The following DOCK3 variants were observed in gnomAD, a reference collection of about 807,000 sequenced individuals.
DOCK3 encodes dedicator of cytokinesis protein 3.
A neutral mutation model predicts 265.6 loss-of-function variants in DOCK3; 60 were observed. The ratio of observed to expected loss-of-function variants is 0.23; its 90% CI spans 0.18 to 0.28. The LOEUF is 0.28. DOCK3 is among the 10% of genes least tolerant of loss of function. The probability of loss-of-function intolerance (pLI) is 1.00; values close to 1 mark genes in which losing one functional copy is unlikely to be tolerated. For synonymous variants in DOCK3, 881 were observed against 938.0 expected (o/e 0.94, Z 1.11); for missense variants, 1,981 against 2,594.3 (o/e 0.76, Z 5.14).
intron 3 of DOCK3, among the ~76,000 whole-genome samples, chr3:50,868,923 TTTTG>T (rs1239132311): frequency 6.8e-6 from 1 of 146,682 alleles, no homozygotes; most frequent in Non-Finnish European, 1.5e-5. Context: ...TTTTTTTTTT[TTTTG>T]GTCTGACTAA....
At chr3:50,853,273 A>G (rs892514949) in intron 3 of DOCK3, among the ~76,000 whole-genome samples, 3 of 151,422 alleles carry the variant, frequency 2.0e-5, no homozygotes, top group African/African-American at 7.3e-5. Context: ...GAGTAAGAAC[A>G]TACAGTATTT....
Position 51,189,934 on chromosome 3 carries a change from C to T in DOCK3, c.1038-18840C>T, listed in dbSNP as rs191057466. Reference sequence around the variant, plus strand: ...AGGCTTTCAATAGGTCCACTCACACCGAGCTCACATGGGAGAAGCCTCAAA... The same window carrying T: ...AGGCTTTCAATAGGTCCACTCACACTGAGCTCACATGGGAGAAGCCTCAAA... On this transcript the variant is annotated intron_variant, in intron 12 of 52. Transcript: ENST00000266037. 8.5e-5 allele frequency among the ~76,000 whole-genome samples: 13 copies of T among 152,224 alleles called. No individual in the cohort carries two copies. In the East Asian group the frequency reaches 1.7e-3, roughly 20 times the overall value.
chr3:50,919,733 A>G lies in DOCK3; in HGVS notation c.219-14248A>G, dbSNP rs563656250. ...TGACTTCCTCTTTTCCTAATTAAAT[A>G]CCCTTTATTTCTTTCTCCTGCCTGA... is the stretch of plus-strand genomic sequence containing the variant. On this transcript the variant is annotated intron_variant, in intron 4 of 52. Coordinates refer to ENST00000266037, the MANE Select transcript of DOCK3 (RefSeq NM_004947.5). Among the ~76,000 whole-genome samples the G allele has an allele frequency of 1.5e-4, 23 of 152,128 alleles. 1 individual carries two copies. The South Asian group carries it at 4.1e-3, about 27-fold the overall frequency.
chr3:51,270,976 G>T lies in DOCK3; in HGVS notation c.2517G>T (p.Arg839Ser), dbSNP rs982971429. 2 of 1,613,676 alleles carry T rather than the reference G, an allele frequency of 1.2e-6. No individual in the cohort carries two copies. Among genetic ancestry groups the T allele is most frequent in the Middle Eastern group, 1.7e-4 (1 of 5,958 alleles). Residue 839 changes from arginine (R) to serine (S), a missense_variant, in exon 24 of 53, where the codon AGG (arginine) becomes AGT (serine). Arg to Ser is a moderately radical substitution (Grantham distance 110). Coordinates refer to ENST00000266037, the MANE Select transcript of DOCK3 (RefSeq NM_004947.5). Reference protein sequence around the residue: ...MDVVKLQSIARTVDSRLFSFS... With the variant: ...MDVVKLQSIASTVDSRLFSFS... Reference sequence around the variant, plus strand: ...TGGTCAAGCTGCAGTCCATTGCCAGGACAGTGGATAGCCGCCTGTTTTCTT... The same window carrying T: ...TGGTCAAGCTGCAGTCCATTGCCAGTACAGTGGATAGCCGCCTGTTTTCTT...
At chr3:51,316,640 T>G (rs915392556) in intron 32 of DOCK3, among the ~76,000 whole-genome samples, 2 of 152,238 alleles carry the variant, frequency 1.3e-5, no homozygotes, top group Admixed American at 6.5e-5. Flanking sequence ...TCTGTTCGTT[T>G]GTTTTAGCCA....
chr3:50,767,747 A>G (rs2040991884), intron 1 of DOCK3, among the ~76,000 whole-genome samples: 1 of 152,182 alleles, frequency 6.6e-6, no homozygotes, highest in Non-Finnish European at 1.5e-5. Flanking sequence ...CTTCCTATCC[A>G]TGAGCATGGA....
At chr3:50,746,426 G>C (rs1162203275) in intron 1 of DOCK3, among the ~76,000 whole-genome samples, 1 of 152,078 alleles carries the variant, frequency 6.6e-6, no homozygotes, top group African/African-American at 2.4e-5. Context: ...TAATTTATCA[G>C]TTGGTTCTTT....
At chr3:50,683,171 T>C (rs953908979) in intron 1 of DOCK3, among the ~76,000 whole-genome samples, 1 of 152,266 alleles carries the variant, frequency 6.6e-6, no homozygotes, top group South Asian at 2.1e-4. Context: ...TTTTATTTTA[T>C]ATGAACTGAA....
At chr3:50,751,680 A>G (rs1455343952) in intron 1 of DOCK3, among the ~76,000 whole-genome samples, 2 of 152,174 alleles carry the variant, frequency 1.3e-5, no homozygotes, top group Non-Finnish European at 2.9e-5. Context: ...TAAACCCCAT[A>G]TATATTAGTC....
chr3:50,894,706 T>C (rs538883926), intron 4 of DOCK3, among the ~76,000 whole-genome samples: 1 of 152,242 alleles, frequency 6.6e-6, no homozygotes, highest in South Asian at 2.1e-4. Flanking sequence ...TCATCAACAA[T>C]AAAACATTTG....
chr3:51,296,907 T>A (rs1280598714), intron 27 of DOCK3, among the ~76,000 whole-genome samples: 1 of 151,712 alleles, frequency 6.6e-6, no homozygotes, highest in Non-Finnish European at 1.5e-5. Flanking sequence ...TCACCTGAGG[T>A]CAGGAGTTCG....
chr3:51,196,789 T>G (rs2088325718), intron 12 of DOCK3, among the ~76,000 whole-genome samples: 2 of 152,250 alleles, frequency 1.3e-5, no homozygotes, highest in South Asian at 4.1e-4. Context: ...TGAATTGTTT[T>G]TCTGGATTCG....
rs181592887 is a variant in DOCK3 at position 50,773,259 on chromosome 3, A to C, written c.38-5416A>C. On this transcript the variant is annotated intron_variant, in intron 1 of 52. Coordinates refer to ENST00000266037, the MANE Select transcript of DOCK3 (RefSeq NM_004947.5). ...TGCAGAAGAATTAAACTAGACTCCTATCTCTTACCATTTACAAGAATCAAC... is the reference window on the plus strand; with the variant it reads ...TGCAGAAGAATTAAACTAGACTCCTCTCTCTTACCATTTACAAGAATCAAC... Among the ~76,000 whole-genome samples, 5 of 152,264 alleles carry C rather than the reference A, an allele frequency of 3.3e-5. No individual in the cohort carries two copies. In the East Asian group the frequency reaches 9.6e-4, roughly 29 times the overall value.
chr3:50,800,112 T>G (rs143134004), intron 2 of DOCK3, among the ~76,000 whole-genome samples: 95 of 152,366 alleles, frequency 6.2e-4, no homozygotes, highest in African/African-American at 2.2e-3. Context: ...TGTCGAGGAC[T>G]TTTGTGTCTG....
Position 51,354,873 on chromosome 3 carries a change from T to C in DOCK3, c.4108-9T>C, listed in dbSNP as rs756588830. 1.9e-6 allele frequency: 3 copies of C among 1,612,952 alleles called. No homozygotes were observed. Among genetic ancestry groups the C allele is most frequent in the Non-Finnish European group, 2.5e-6 (3 of 1,179,448 alleles). On this transcript the variant is annotated splice_polypyrimidine_tract_variant and intron_variant, in intron 40 of 52. Coordinates refer to ENST00000266037, the MANE Select transcript of DOCK3 (RefSeq NM_004947.5). ...GCATACATAGAGTGTGCTCTTCTGT[T>C]TGTGGCAGAACAAAGAATACGTGTG...
intron 1 of DOCK3, among the ~76,000 whole-genome samples, chr3:50,733,044 A>C (rs889646958): frequency 2.0e-5 from 3 of 152,212 alleles, no homozygotes; most frequent in African/African-American, 7.2e-5. Flanking sequence ...GGCCTCCCAA[A>C]GTGCTGAGAT....
chr3:50,918,706 AGATTGCCT>A (rs1371914725), intron 4 of DOCK3, among the ~76,000 whole-genome samples: 2 of 152,184 alleles, frequency 1.3e-5, no homozygotes, highest in African/African-American at 2.4e-5. Context: ...CCCATTCTGT[AGATTGCCT>A]GTTCACTCTG....
chr3:51,010,597 T>C (rs533041757), intron 5 of DOCK3, among the ~76,000 whole-genome samples: 2 of 152,342 alleles, frequency 1.3e-5, no homozygotes, highest in East Asian at 1.9e-4. Flanking sequence ...TGTCTTTTAA[T>C]TGGGGCATTT....
intron 40 of DOCK3, 69 bp from the exon 41 acceptor site, chr3:51,354,813 T>G (rs2086252641): frequency 6.4e-7 from 1 of 1,568,158 alleles, no homozygotes; most frequent in East Asian, 2.3e-5. Flanking sequence ...ATGTAGCTAC[T>G]GACTCCAGGG....
Sources: allele counts gnomAD v4.1 joint callset (sites outside exome capture counted in the v4.1 genomes callset), GRCh38; gene constraint gnomAD v4.1.1; transcripts MANE v1.5; gene names NCBI Gene and HGNC (gene_info 2026-07-23, HGNC 2026-07-21).